TNIK: variants seen among roughly 807,000 people sequenced by gnomAD.
TNIK encodes the protein TRAF2 and NCK-interacting protein kinase.
Under a neutral mutation model 191.3 loss-of-function variants are expected in TNIK, and 49 were observed. That is an observed-to-expected ratio of 0.26 (90% CI 0.20 to 0.32). The LOEUF is 0.32. TNIK is among the 10% of genes least tolerant of loss of function. The probability of loss-of-function intolerance (pLI) is 1.00; values close to 1 mark genes in which losing one functional copy is unlikely to be tolerated. For missense variants in TNIK, 1,155 were observed against 1,702.3 expected, an observed-to-expected ratio of 0.68 and a Z score of 5.66; for synonymous variants, 594 against 600.9, an observed-to-expected ratio of 0.99 and a Z score of 0.17.
chr3:171,332,270 T>C (rs966525750), intron 2 of TNIK, among the ~76,000 whole-genome samples: 1 of 152,236 alleles, frequency 6.6e-6, no homozygotes, highest in Non-Finnish European at 1.5e-5. Flanking sequence ...AAAATTTGTT[T>C]AATCATTTTC....
intron 1 of TNIK, among the ~76,000 whole-genome samples, chr3:171,455,764 G>A (rs1262555205): frequency 6.6e-6 from 1 of 152,154 alleles, no homozygotes; most frequent in African/African-American, 2.4e-5. Context: ...CAAAGTCACA[G>A]AGTGAATAAG....
intron 7 of TNIK, among the ~76,000 whole-genome samples, chr3:171,185,151 G>C (rs1737198140): frequency 6.7e-6 from 1 of 150,248 alleles, no homozygotes; most frequent in Non-Finnish European, 1.5e-5. Context: ...ATACTATTAA[G>C]TTTTTCCAGG....
At chr3:171,240,056 G>C (rs1211029717) in intron 2 of TNIK, among the ~76,000 whole-genome samples, 3 of 152,170 alleles carry the variant, frequency 2.0e-5, no homozygotes, top group Non-Finnish European at 4.4e-5. Context: ...TTGATTTATA[G>C]TTAAATTTAG....
At chr3:171,142,728 G>A (rs547152360) in intron 12 of TNIK, among the ~76,000 whole-genome samples, 1 of 152,324 alleles carries the variant, frequency 6.6e-6, no homozygotes, top group South Asian at 2.1e-4. Flanking sequence ...TTGGATTACA[G>A]ACCCAAAACA....
At chr3:171,222,423 A>G (rs1033605260) in intron 3 of TNIK, among the ~76,000 whole-genome samples, 6 of 152,300 alleles carry the variant, frequency 3.9e-5, no homozygotes, top group Admixed American at 3.3e-4. Flanking sequence ...TACTAAGTAC[A>G]ATGCTTGGGA....
intron 1 of TNIK, among the ~76,000 whole-genome samples, chr3:171,380,509 C>T (rs1029872401): frequency 6.6e-6 from 1 of 152,220 alleles, no homozygotes; most frequent in Non-Finnish European, 1.5e-5. Context: ...ACCAATGACA[C>T]GTTATTTGCT....
chr3:171,412,089 C>T (rs1373629928), intron 1 of TNIK, among the ~76,000 whole-genome samples: 1 of 152,166 alleles, frequency 6.6e-6, no homozygotes, highest in Non-Finnish European at 1.5e-5. Context: ...CCTTGCTCTG[C>T]AAAGTCCAAA....
At chr3:171,459,705 C>A (rs1729224790) in intron 1 of TNIK, among the ~76,000 whole-genome samples, 1 of 151,732 alleles carries the variant, frequency 6.6e-6, no homozygotes, top group South Asian at 2.1e-4. Flanking sequence ...CACACACACG[C>A]ACACACGCCT....
chr3:171,138,155 C>T, intron 15 of TNIK, 36 bp downstream of exon 15: 1 of 1,512,410 alleles, frequency 6.6e-7, no homozygotes. Flanking sequence ...AGTCAAAAGC[C>T]TGGCCAACAG....
intron 15 of TNIK, among the ~76,000 whole-genome samples, chr3:171,136,978 CA>C (rs1355737225): frequency 6.6e-6 from 1 of 151,564 alleles, no homozygotes. Context: ...TTCTTCATCA[CA>C]AATCAAAACA....
chr3:171,240,944 G>T (rs1017212486), intron 2 of TNIK, among the ~76,000 whole-genome samples: 16 of 152,020 alleles, frequency 1.1e-4, no homozygotes, highest in Non-Finnish European at 1.9e-4. Context: ...CCGCATGGTG[G>T]GTACTCAATC....
chr3:171,387,596 G>A (rs1386797831), intron 1 of TNIK, among the ~76,000 whole-genome samples: 1 of 152,066 alleles, frequency 6.6e-6, no homozygotes, highest in Non-Finnish European at 1.5e-5. Flanking sequence ...ATGTGTCTGG[G>A]GATATTTTTA....
At chr3:171,226,527 C>A (rs1172768208) in intron 3 of TNIK, among the ~76,000 whole-genome samples, 1 of 152,174 alleles carries the variant, frequency 6.6e-6, no homozygotes. Context: ...TTCTATTATG[C>A]TTAATCCTCT....
chr3:171,434,216 G>A (rs941843864), intron 1 of TNIK, among the ~76,000 whole-genome samples: 2 of 151,866 alleles, frequency 1.3e-5, no homozygotes, highest in Non-Finnish European at 2.9e-5. Context: ...GATTACAGGT[G>A]TGAGCCACCA....
At chr3:171,315,836 C>T (rs570724359) in intron 2 of TNIK, among the ~76,000 whole-genome samples, 3 of 152,158 alleles carry the variant, frequency 2.0e-5, no homozygotes, top group Non-Finnish European at 4.4e-5. Context: ...AGGACCTACT[C>T]TAATCAAGTA....
At chr3:171,280,923 G>A (rs79424806) in intron 2 of TNIK, among the ~76,000 whole-genome samples, 3,048 of 152,202 alleles carry the variant, frequency 0.02, 60 homozygotes, top group Middle Eastern at 0.061. Flanking sequence ...GGCTCTACAG[G>A]AATAACCTAG....
chr3:171,343,091 T>G (rs1405837182), intron 2 of TNIK, among the ~76,000 whole-genome samples: 2 of 151,824 alleles, frequency 1.3e-5, no homozygotes, highest in Non-Finnish European at 1.5e-5. Context: ...CTTGGATATA[T>G]CTTCATAGCA....
At chr3:171,325,924 C>T (rs1755700250) in intron 2 of TNIK, among the ~76,000 whole-genome samples, 1 of 152,278 alleles carries the variant, frequency 6.6e-6, no homozygotes, top group South Asian at 2.1e-4. Flanking sequence ...TCCCAGAGCC[C>T]TTGCAGAATT....
chr3:171,134,883 A>C (rs553207069), intron 15 of TNIK, among the ~76,000 whole-genome samples: 1 of 152,372 alleles, frequency 6.6e-6, no homozygotes, highest in African/African-American at 2.4e-5. Flanking sequence ...GAAGAGGAGA[A>C]GTAGATGGAA....
Sources: gnomAD v4.1 joint callset for allele counts (sites outside exome capture counted in the v4.1 genomes callset) on GRCh38, gnomAD v4.1.1 for gene constraint, MANE v1.5 for transcripts, NCBI Gene and HGNC (gene_info 2026-07-23, HGNC 2026-07-21) for gene names.